The following SGSM1 variants were observed in gnomAD, a reference collection of about 807,000 sequenced individuals.
The protein encoded by SGSM1 is small G protein signaling modulator 1, also known as RUN and TBC1 domain containing 2.
SGSM1 carries 73 observed loss-of-function variants against 133.8 expected under a neutral mutation model. That is an observed-to-expected ratio of 0.55 (90% CI 0.45 to 0.66). The LOEUF is 0.66. Among genes scored for constraint, SGSM1 ranks in the 30% least tolerant of loss-of-function variants. SGSM1 has a pLI of 0.00. For synonymous variants in SGSM1, 563 were observed against 573.0 expected, an observed-to-expected ratio of 0.98 and a Z score of 0.25; for missense variants, 1,213 against 1,448.1, an observed-to-expected ratio of 0.84 and a Z score of 2.64.
chr22:24,837,460 A>T (rs183447162), intron 2 of SGSM1, among the ~76,000 whole-genome samples: 1 of 152,342 alleles, frequency 6.6e-6, no homozygotes, highest in East Asian at 1.9e-4. Context: ...ACTGAAGCAC[A>T]GCATCACAGG....
chr22:24,895,373 T>G, intron 18 of SGSM1, 82 bp downstream of exon 18: 5 of 1,368,706 alleles, frequency 3.7e-6, no homozygotes, highest in Non-Finnish European at 4.1e-6. Flanking sequence ...GTCCGTCATC[T>G]GTAGGTCACT....
In SGSM1 at chr22:24,870,081, G is replaced by A. The variant is rs1038155480; in HGVS notation, c.1291+1226G>A. 2.0e-5 allele frequency among the ~76,000 whole-genome samples: 3 copies of A among 152,218 alleles called. No individual in the cohort carries two copies. In the South Asian group the frequency reaches 6.2e-4, roughly 32 times the overall value. ...AGCAGCCACGTGCTGGGCAGTGAGAGGCTCTTTTGAGAGCAGATGTCCTCC... is the reference window on the plus strand; with the variant it reads ...AGCAGCCACGTGCTGGGCAGTGAGAAGCTCTTTTGAGAGCAGATGTCCTCC... On this transcript the variant is annotated intron_variant, in intron 12 of 24. Transcript: ENST00000400358.
chr22:24,898,284 C>A lies in SGSM1; in HGVS notation c.2335C>A (p.Gln779Lys), dbSNP rs753678214. 1 of 1,613,910 alleles carries A rather than the reference C, an allele frequency of 6.2e-7. No homozygotes were observed. Among genetic ancestry groups the A allele is most frequent in the Non-Finnish European group, 8.5e-7 (1 of 1,179,844 alleles). The stretch of plus-strand genomic sequence containing the variant: ...GGCTCCCCGGGAGGAGCTGGCCGTG[C>A]AGGACAGCCTGGAGAGTGACCTCCT... ...DEAPREELAV[Q>K]DSLESDLLAN... is the part of the protein sequence containing the mutation. The change falls in exon 19 of 25, where the codon CAG (glutamine) becomes AAG (lysine). Residue 779 changes from glutamine (Q) to lysine (K), a missense_variant. Transcript: ENST00000400358.
chr22:24,892,912 T>C (rs1047473469), intron 16 of SGSM1, among the ~76,000 whole-genome samples: 12 of 143,738 alleles, frequency 8.3e-5, no homozygotes, highest in Admixed American at 6.2e-4. Context: ...AATACAAAAA[T>C]TAGCTGGGCG....
intron 17 of SGSM1, 113 bp downstream of exon 17, chr22:24,893,726 C>A: frequency 8.4e-7 from 1 of 1,190,846 alleles, no homozygotes; most frequent in Non-Finnish European, 1.1e-6. Flanking sequence ...GTGACAGTCT[C>A]ACCCCTGGCT....
At chr22:24,859,656 G>T (rs779410873) in intron 8 of SGSM1, 60 bp from the exon 9 acceptor site, 1 of 1,608,794 alleles carries the variant, frequency 6.2e-7, no homozygotes, top group Non-Finnish European at 8.5e-7. Context: ...AACGGGCCAG[G>T]ACCTATGTCC....
rs370889828 is a variant in SGSM1, at chr22:24,824,552, A to T, written c.63+18068A>T. On this transcript the variant is annotated intron_variant, in intron 2 of 24. Coordinates refer to ENST00000400358, the MANE Select transcript of SGSM1 (RefSeq NM_001098497.3). ...CCTCCTGTGTGCCTCACCCTAATAG[A>T]TTTAAAAATTAAAAGCCACCAGCTC... Among the ~76,000 whole-genome samples, 156 of 152,072 alleles carry T rather than the reference A, an allele frequency of 1.0e-3. No homozygotes were observed. The Middle Eastern group carries it at 0.02, about 20-fold the overall frequency.
intron 2 of SGSM1, among the ~76,000 whole-genome samples, chr22:24,840,514 T>C (rs2147825621): frequency 6.6e-6 from 1 of 152,070 alleles, no homozygotes; most frequent in East Asian, 2.0e-4. Context: ...CGGCTAATTT[T>C]TGTATTTTAG....
intron 2 of SGSM1, among the ~76,000 whole-genome samples, chr22:24,833,545 C>G (rs569100520): frequency 2.0e-5 from 3 of 151,926 alleles, no homozygotes; most frequent in Non-Finnish European, 2.9e-5. Context: ...GTAGTCCCAG[C>G]TACTTGGGAG....
At chr22:24,817,894 A>G (rs943017585) in intron 2 of SGSM1, among the ~76,000 whole-genome samples, 7 of 152,170 alleles carry the variant, frequency 4.6e-5, no homozygotes, top group East Asian at 1.9e-4. Flanking sequence ...ATGTCCTCAC[A>G]TGGCAGAAAG....
chr22:24,837,900 T>C (rs1929559907), intron 2 of SGSM1, among the ~76,000 whole-genome samples: 1 of 152,246 alleles, frequency 6.6e-6, no homozygotes, highest in South Asian at 2.1e-4. Context: ...GATATTCATA[T>C]ATAATCATAT....
chr22:24,905,616 T>C (rs142827825), intron 21 of SGSM1, among the ~76,000 whole-genome samples: 308 of 151,432 alleles, frequency 2.0e-3, no homozygotes, highest in East Asian at 0.018. Flanking sequence ...TGAAACCCTG[T>C]CTCTACTAAA....
In SGSM1 at chr22:24,925,819, C is replaced by T. The variant is rs9624667; in HGVS notation, c.*1545C>T. On this transcript the variant is annotated 3_prime_UTR_variant, in exon 25 of 25. Coordinates refer to ENST00000400358, the MANE Select transcript of SGSM1 (RefSeq NM_001098497.3). ...TCTGCTGATGAACTGGGTCCAGGGC[C>T]GTGCTAGGTCTGGGAACAATCCTCT... is the stretch of plus-strand genomic sequence containing the variant. 134 of 152,364 alleles carry T rather than the reference C, an allele frequency of 8.8e-4. No homozygotes were observed. The highest frequency in any genetic ancestry group is 3.0e-3 in the African/African-American group (126 of 41,550). The allele number at this position is 152,364 out of a possible 1,614,324, so 9.4% of individuals were successfully genotyped here.
intron 9 of SGSM1, among the ~76,000 whole-genome samples, chr22:24,862,614 G>A (rs1357493259): frequency 6.6e-6 from 1 of 152,204 alleles, no homozygotes; most frequent in African/African-American, 2.4e-5. Context: ...TTCACTGGAT[G>A]TTTACTGAGC....
chr22:24,853,838 C>T lies in SGSM1; in HGVS notation c.456-1158C>T, dbSNP rs549012133. ...TTCACCGTGTTAGCCAGGATGGTCT[C>T]GATCTCCTGACCTCATGATCCGCCC... On this transcript the variant is annotated intron_variant, in intron 5 of 24. Transcript: ENST00000400358. 4.1e-5 allele frequency among the ~76,000 whole-genome samples: 6 copies of T among 145,826 alleles called. No homozygotes were observed. The East Asian group carries it at 8.0e-4, about 19-fold the overall frequency.
Position 24,915,388 on chromosome 22 carries a change from C to G in SGSM1, c.2929-2270C>G, listed in dbSNP as rs183934859. On this transcript the variant is annotated intron_variant, in intron 22 of 24. Coordinates refer to ENST00000400358, the MANE Select transcript of SGSM1 (RefSeq NM_001098497.3). ...CATCCTCAGTTTTATCAGGCACAAC[C>G]GAATCACTCTTAAAGTGATTGTACT... is the stretch of plus-strand genomic sequence containing the variant. Among the ~76,000 whole-genome samples the G allele has an allele frequency of 4.9e-3, 753 of 152,272 alleles. 8 individuals carry two copies. Among genetic ancestry groups the G allele is most frequent in the African/African-American group, 0.016 (671 of 41,562 alleles).
At chr22:24,819,638 T>C (rs1186835559) in intron 2 of SGSM1, among the ~76,000 whole-genome samples, 2 of 152,176 alleles carry the variant, frequency 1.3e-5, no homozygotes, top group African/African-American at 4.8e-5. Flanking sequence ...CCTCTGCCTC[T>C]ATTTATTATC....
chr22:24,809,824 G>A (rs183633680), intron 2 of SGSM1, among the ~76,000 whole-genome samples: 52 of 152,334 alleles, frequency 3.4e-4, no homozygotes, highest in Non-Finnish European at 4.6e-4. Context: ...ACAGAGATGT[G>A]AAGGAGAGGC....
chr22:24,905,129 C>T lies in SGSM1; in HGVS notation c.2760C>T (p.Ile920=), dbSNP rs372280910. The T allele has an allele frequency of 1.9e-5, 31 of 1,613,856 alleles. No individual in the cohort carries two copies. The highest frequency in any genetic ancestry group is 1.6e-4 in the Middle Eastern group (1 of 6,084). ...MCSYIWQHIE[I]GYVQGMCDLL... is the part of the protein sequence containing the mutation. The stretch of plus-strand genomic sequence containing the variant: ...GCTACATCTGGCAGCACATTGAGAT[C>T]GGCTATGTCCAGGGCATGTGTGATC... Residue 920 remains isoleucine (I), a synonymous_variant, in exon 21 of 25, where the codon ATC becomes ATT. Transcript: ENST00000400358.
Sources: gnomAD v4.1 joint callset for allele counts (sites outside exome capture counted in the v4.1 genomes callset) on GRCh38, gnomAD v4.1.1 for gene constraint, MANE v1.5 for transcripts, NCBI Gene and HGNC (gene_info 2026-07-23, HGNC 2026-07-21) for gene names.